The following GDPD3 variants were observed in gnomAD, a reference collection of about 807,000 sequenced individuals.
GDPD3 encodes the protein glycerophosphodiester phosphodiesterase domain containing 3.
Under a neutral mutation model 43.7 loss-of-function variants are expected in GDPD3, and 40 were observed. That is an observed-to-expected ratio of 0.91 (90% CI 0.71 to 1.19). The LOEUF (loss-of-function observed/expected upper bound fraction) is 1.19. Among genes scored for constraint, GDPD3 ranks in the 50% most tolerant of loss-of-function variants. The pLI, the probability that GDPD3 is intolerant of heterozygous loss-of-function variation, is 0.00. For missense variants in GDPD3, 363 were observed against 415.8 expected, an observed-to-expected ratio of 0.87 and a Z score of 1.11; for synonymous variants, 145 against 162.9, an observed-to-expected ratio of 0.89 and a Z score of 0.84.
rs1321832552 is a variant in GDPD3, at chr16:30,111,425, TC to T, written c.669del (p.Lys224SerfsTer23). ...TTGGGCAGGAAGCAGAAGAAGAACT[TC>T]TCAGGGATTGGGATGAAGGGCAGCA... ...LGLLPFIPIP[E>X]KFFFCFLPNI... On this transcript the variant is annotated frameshift_variant, in exon 7 of 10. Coordinates refer to ENST00000406256, the MANE Select transcript of GDPD3 (RefSeq NM_024307.3). LOFTEE classifies it high-confidence loss of function. 1.9e-6 allele frequency: 3 copies of T among 1,613,818 alleles called. No homozygotes were observed. The highest frequency in any genetic ancestry group is 2.5e-6 in the Non-Finnish European group (3 of 1,179,914).
At chr16:30,109,573 G>A (rs191344871) in intron 7 of GDPD3, among the ~76,000 whole-genome samples, 13 of 152,128 alleles carry the variant, frequency 8.5e-5, no homozygotes, top group Admixed American at 5.2e-4. Context: ...TTGGGAGGCC[G>A]AGGCGGGTGG....
At chr16:30,105,598 G>A (rs956780866) in intron 9 of GDPD3, among the ~76,000 whole-genome samples, 2 of 150,914 alleles carry the variant, frequency 1.3e-5, no homozygotes, top group African/African-American at 2.4e-5. Flanking sequence ...TCTGCCTCCC[G>A]GGTTCACACC....
At chr16:30,108,857 A>C (rs1194479715) in intron 7 of GDPD3, among the ~76,000 whole-genome samples, 3 of 150,762 alleles carry the variant, frequency 2.0e-5, no homozygotes, top group Non-Finnish European at 4.4e-5. Context: ...TTTGAGACAG[A>C]GTCTTGCTCT....
chr16:30,106,968 C>G (rs2072865317), intron 9 of GDPD3, among the ~76,000 whole-genome samples: 1 of 152,206 alleles, frequency 6.6e-6, no homozygotes, highest in Non-Finnish European at 1.5e-5. Context: ...CTTGGCCTCC[C>G]AAAGTGCTGG....
chr16:30,113,287 T>G lies in GDPD3; in HGVS notation c.139+53A>C. ...CGTTTCTAGCATGCCCCCTTGGACCTACCCCTCTGTGCTGTCCACTTTGGC... is the reference window on the plus strand; with the variant it reads ...CGTTTCTAGCATGCCCCCTTGGACCGACCCCTCTGTGCTGTCCACTTTGGC... On this transcript the variant is annotated intron_variant, in intron 1 of 9. Transcript: ENST00000406256. This position sits in a 1 kb window ranked among gnomAD's most constrained non-coding sequence, Gnocchi z 5.9. 6.5e-7 allele frequency: 1 copy of G among 1,546,524 alleles called. No homozygotes were observed. The highest frequency in any genetic ancestry group is 2.3e-5 in the East Asian group (1 of 44,250).
In GDPD3 at chr16:30,112,660, C is replaced by A; in HGVS notation, c.316G>T (p.Glu106Ter). The A allele has an allele frequency of 1.2e-6, 2 of 1,614,078 alleles. No individual in the cohort carries two copies. Among genetic ancestry groups the A allele is most frequent in the Non-Finnish European group, 1.7e-6 (2 of 1,179,996 alleles). Residue 106 changes from glutamate (E) to a stop codon, truncating the protein, a stop_gained and splice_region_variant, in exon 3 of 10, where the codon GAG (glutamate) becomes TAG (stop). Transcript: ENST00000406256. LOFTEE classifies it high-confidence loss of function. This position sits in a 1 kb window ranked among gnomAD's most constrained non-coding sequence, Gnocchi z 5.4. Reference sequence around the variant, plus strand: ...TGGGGTGTCAGGGCAGGGCCCACCTCGAAGTCCAGGCTGCCCACATCCCTG... The same window carrying A: ...TGGGGTGTCAGGGCAGGGCCCACCTAGAAGTCCAGGCTGCCCACATCCCTG... ...LNRDVGSLDFEDLPLYKEKLE... is the reference protein window; with the variant it reads ...LNRDVGSLDF
intron 9 of GDPD3, 36 bp from the exon 10 acceptor site, chr16:30,105,045 C>A: frequency 1.3e-6 from 2 of 1,559,984 alleles, no homozygotes; most frequent in South Asian, 1.2e-5. Context: ...AGATTCTGAA[C>A]AATTTTACAT....
intron 9 of GDPD3, among the ~76,000 whole-genome samples, chr16:30,107,053 T>C (rs1344500919): frequency 2.0e-5 from 3 of 151,786 alleles, no homozygotes; most frequent in African/African-American, 7.3e-5. Flanking sequence ...TTTTTCCTGT[T>C]TCCCTCCCTC....
intron 7 of GDPD3, 137 bp downstream of exon 7, chr16:30,111,251 G>T: frequency 2.1e-6 from 2 of 941,952 alleles, no homozygotes; most frequent in Non-Finnish European, 3.3e-6. Context: ...CATGAATGCT[G>T]GGTAAGAACC....
Position 30,112,253 on chromosome 16 carries a change from C to G in GDPD3, c.484-32G>C. 1 of 1,611,708 alleles carries G rather than the reference C, an allele frequency of 6.2e-7. No individual in the cohort carries two copies. The highest frequency in any genetic ancestry group is 8.5e-7 in the Non-Finnish European group (1 of 1,177,734). ...GGAGGAGAAGGAGGTGAAGGGAGAG[C>G]CAGGCCTCTCTCACGCCCCCGGTGG... On this transcript the variant is annotated intron_variant, in intron 5 of 9. Transcript: ENST00000406256. The surrounding 1 kb of genome is among the most constrained non-coding windows in gnomAD (Gnocchi z 5.4).
At chr16:30,107,182 C>G (rs1454685576) in intron 9 of GDPD3, among the ~76,000 whole-genome samples, 1 of 152,226 alleles carries the variant, frequency 6.6e-6, no homozygotes, top group Non-Finnish European at 1.5e-5. Context: ...TTATAGCTCA[C>G]TGCACCCTCG....
chr16:30,104,889 C>T lies in GDPD3; in HGVS notation c.940G>A (p.Ala314Thr). 8 of 1,612,546 alleles carry T rather than the reference C, an allele frequency of 5.0e-6. No individual in the cohort carries two copies. Among genetic ancestry groups the T allele is most frequent in the Non-Finnish European group, 6.8e-6 (8 of 1,179,996 alleles). ...TTCTGGACTTAGGAGGTCCGGGCAG[C>T]TGGTCCATGGTTGTCCAGGTAGTGC... is the stretch of plus-strand genomic sequence containing the variant. The part of the protein sequence containing the change: ...LRHYLDNHGP[A>T]ARTS The change falls in exon 10 of 10, where the codon GCT (alanine) becomes ACT (threonine). Residue 314 changes from alanine to threonine, a missense_variant. By Grantham distance (58) the Ala-to-Thr change is moderately conservative. Coordinates refer to ENST00000406256, the MANE Select transcript of GDPD3 (RefSeq NM_024307.3).
intron 7 of GDPD3, among the ~76,000 whole-genome samples, chr16:30,109,100 G>C (rs959965924): frequency 1.3e-5 from 2 of 152,040 alleles, no homozygotes; most frequent in Non-Finnish European, 2.9e-5. Context: ...AAAGTGCTGG[G>C]ATTACAGGCG....
chr16:30,110,265 C>T (rs2072889565), intron 7 of GDPD3, among the ~76,000 whole-genome samples: 1 of 151,694 alleles, frequency 6.6e-6, no homozygotes, highest in Non-Finnish European at 1.5e-5. Context: ...CCCATCTCTA[C>T]TAAAAACACA....
chr16:30,111,882 G>A (rs988534871), intron 6 of GDPD3: 8 of 566,842 alleles, frequency 1.4e-5, no homozygotes, highest in African/African-American at 5.6e-5. Flanking sequence ...GCAGTGAGCC[G>A]AGGTCGCACC....
chr16:30,111,186 C>A, intron 7 of GDPD3: 1 of 586,318 alleles, frequency 1.7e-6, no homozygotes, highest in Non-Finnish European at 3.0e-6. Flanking sequence ...ACCTCTCTAT[C>A]CTAAAACTCC....
rs549993187 is a variant in GDPD3 at position 30,109,109 on chromosome 16, C to A, written c.708-677G>T. Among the ~76,000 whole-genome samples, 1,111 of 152,166 alleles carry A rather than the reference C, an allele frequency of 7.3e-3. 9 individuals carry two copies. The highest frequency in any genetic ancestry group is 0.011 in the Non-Finnish European group (720 of 67,994). Reference sequence around the variant, plus strand: ...CCTCCCAAAGTGCTGGGATTACAGGCGTGAGCCACCGTGCCCGGCCATTAA... The same window carrying A: ...CCTCCCAAAGTGCTGGGATTACAGGAGTGAGCCACCGTGCCCGGCCATTAA... On this transcript the variant is annotated intron_variant, in intron 7 of 9. Transcript: ENST00000406256.
intron 9 of GDPD3, among the ~76,000 whole-genome samples, chr16:30,105,491 A>T (rs999240962): frequency 8.0e-5 from 12 of 150,790 alleles, no homozygotes; most frequent in African/African-American, 2.4e-4. Flanking sequence ...ACTGACAATT[A>T]AATTATTTAT....
At chr16:30,105,055 T>C (rs779667667) in intron 9 of GDPD3, 46 bp from the exon 10 acceptor site, 114 of 1,533,144 alleles carry the variant, frequency 7.4e-5, no homozygotes, top group Non-Finnish European at 9.3e-5. Flanking sequence ...CAATTTTACA[T>C]CTGGAGAGTG....
Sources: allele counts gnomAD v4.1 joint callset (sites outside exome capture counted in the v4.1 genomes callset), GRCh38; gene constraint gnomAD v4.1.1; non-coding constraint Gnocchi (gnomAD v3.1); transcripts MANE v1.5; gene names NCBI Gene and HGNC (gene_info 2026-07-23, HGNC 2026-07-21).